The following BICD1 variants were observed in gnomAD, a reference collection of about 807,000 sequenced individuals.
The protein encoded by BICD1 is protein bicaudal D homolog 1.
BICD1 carries 35 observed loss-of-function variants against 92.5 expected under a neutral mutation model. The observed-to-expected ratio is 0.38, with a 90% CI of 0.29 to 0.50. BICD1 has a LOEUF of 0.50. BICD1 is among the 20% of genes least tolerant of loss of function. The probability of loss-of-function intolerance (pLI) is 0.93; values close to 1 mark genes in which losing one functional copy is unlikely to be tolerated. For synonymous variants in BICD1, 429 were observed against 465.1 expected (o/e 0.92, Z 1.00); for missense variants, 950 against 1,189.8 (o/e 0.80, Z 2.97).
chr12:32,125,828 G>A (rs1419637664), intron 1 of BICD1, among the ~76,000 whole-genome samples: 2 of 151,402 alleles, frequency 1.3e-5, no homozygotes, highest in South Asian at 2.1e-4. Context: ...GATCACTTGA[G>A]CTCAGGAGTT....
At chr12:32,308,856 G>A (rs1160134590) in intron 4 of BICD1, among the ~76,000 whole-genome samples, 3 of 152,186 alleles carry the variant, frequency 2.0e-5, no homozygotes, top group Admixed American at 6.5e-5. Context: ...GAGGGGCGCA[G>A]GTAGGTCCTT....
chr12:32,297,373 T>C (rs1295888137), intron 3 of BICD1, among the ~76,000 whole-genome samples: 13 of 152,130 alleles, frequency 8.5e-5, no homozygotes, highest in Admixed American at 8.5e-4. Context: ...ATTTTTGTAT[T>C]TTTAGTTGAG....
intron 1 of BICD1, among the ~76,000 whole-genome samples, chr12:32,141,244 A>G (rs1942910864): frequency 6.6e-6 from 1 of 152,190 alleles, no homozygotes; most frequent in Non-Finnish European, 1.5e-5. Flanking sequence ...GTCTTATTAG[A>G]TATCAACTTA....
chr12:32,208,889 A>G (rs1157174780), intron 1 of BICD1, among the ~76,000 whole-genome samples: 2 of 151,790 alleles, frequency 1.3e-5, no homozygotes, highest in Admixed American at 6.6e-5. Flanking sequence ...CAGTGGTGCA[A>G]TCTCAGCTCA....
intron 1 of BICD1, among the ~76,000 whole-genome samples, chr12:32,135,114 A>G (rs1215705024): frequency 2.4e-4 from 22 of 91,154 alleles, no homozygotes; most frequent in African/African-American, 1.0e-3. Context: ...TATGAGACGG[A>G]GTCTCACTGT....
chr12:32,118,715 A>ACCC (rs968507335), intron 1 of BICD1, among the ~76,000 whole-genome samples: 3 of 152,004 alleles, frequency 2.0e-5, no homozygotes, highest in African/African-American at 4.8e-5. Flanking sequence ...GGGTCCTGGA[A>ACCC]CCCCCACACC....
chr12:32,292,610 A>G lies in BICD1; in HGVS notation c.427-1384A>G, dbSNP rs117613085. ...CATCTGTGTTGCAATAGCAGTTTCT[A>G]TTCATTGTCAGTCCTACCTACCACT... On this transcript the variant is annotated intron_variant, in intron 2 of 9. Transcript: ENST00000652176. Among the ~76,000 whole-genome samples, 96 of 152,314 alleles carry G rather than the reference A, an allele frequency of 6.3e-4. No individual in the cohort carries two copies. In the East Asian group the frequency reaches 0.018, roughly 28 times the overall value.
At chr12:32,267,904 A>G (rs1262872822) in intron 2 of BICD1, among the ~76,000 whole-genome samples, 3 of 152,212 alleles carry the variant, frequency 2.0e-5, no homozygotes, top group Admixed American at 2.0e-4. Context: ...CCTGGGCTCA[A>G]GTGATCCGCC....
chr12:32,240,295 G>C (rs1370853885), intron 2 of BICD1, among the ~76,000 whole-genome samples: 1 of 152,170 alleles, frequency 6.6e-6, no homozygotes, highest in Non-Finnish European at 1.5e-5. Context: ...TTCCCTTGTA[G>C]TTCTAGAGGC....
At chr12:32,190,280 A>G (rs1565576075) in intron 1 of BICD1, among the ~76,000 whole-genome samples, 1 of 152,240 alleles carries the variant, frequency 6.6e-6, no homozygotes, top group Non-Finnish European at 1.5e-5. Context: ...TGAATTCCCC[A>G]ACCAAAGATA....
intron 4 of BICD1, among the ~76,000 whole-genome samples, chr12:32,327,215 A>G (rs899110474): frequency 1.3e-5 from 2 of 152,232 alleles, no homozygotes; most frequent in Non-Finnish European, 1.5e-5. Flanking sequence ...TTTCGTCAGT[A>G]TATGTGTATG....
intron 2 of BICD1, among the ~76,000 whole-genome samples, chr12:32,293,376 G>T (rs1013517682): frequency 2.0e-5 from 3 of 152,022 alleles, no homozygotes; most frequent in Admixed American, 2.0e-4. Context: ...GGAGTGAAGT[G>T]GCCTGATCTC....
intron 2 of BICD1, among the ~76,000 whole-genome samples, chr12:32,222,666 T>C (rs555632460): frequency 1.3e-5 from 2 of 152,340 alleles, no homozygotes; most frequent in Admixed American, 1.3e-4. Context: ...GTGCCCCTTT[T>C]AAATTCATGC....
chr12:32,263,502 C>T (rs1946910825), intron 2 of BICD1, among the ~76,000 whole-genome samples: 1 of 144,704 alleles, frequency 6.9e-6, no homozygotes, highest in Admixed American at 6.9e-5. Flanking sequence ...GCCAAGATCA[C>T]GCCACTGCAC....
chr12:32,343,273 G>A (rs1565685262), intron 8 of BICD1, among the ~76,000 whole-genome samples: 1 of 152,098 alleles, frequency 6.6e-6, no homozygotes, highest in Non-Finnish European at 1.5e-5. Flanking sequence ...TTTTTAGCCA[G>A]CATTTTATCT....
chr12:32,142,360 C>T (rs540532036), intron 1 of BICD1, among the ~76,000 whole-genome samples: 9 of 127,828 alleles, frequency 7.0e-5, no homozygotes, highest in South Asian at 2.8e-4. Context: ...GAGCTGAGAT[C>T]GTGTCACCAC....
rs1456203382 is a variant in BICD1 at position 32,380,262 on chromosome 12, A to G, written c.*2635A>G. On this transcript the variant is annotated 3_prime_UTR_variant, in exon 10 of 10. Coordinates refer to ENST00000652176, the MANE Select transcript of BICD1 (RefSeq NM_001714.4). ...TTATAGGCATTTAAAGTGAATCAGT[A>G]TGTGTAGTGTTGATAAAAATCAGTA... 1 of 152,184 alleles carries G rather than the reference A, an allele frequency of 6.6e-6. No individual in the cohort carries two copies. Among genetic ancestry groups the G allele is most frequent in the Non-Finnish European group, 1.5e-5 (1 of 68,022 alleles). The allele number at this position is 152,184 out of a possible 1,614,324, so 9.4% of individuals were successfully genotyped here.
intron 1 of BICD1, among the ~76,000 whole-genome samples, chr12:32,191,536 C>T (rs939179194): frequency 4.7e-5 from 7 of 147,440 alleles, no homozygotes; most frequent in Non-Finnish European, 1.5e-5. Context: ...TGGTAATTCA[C>T]ACAATATATC....
At chr12:32,284,788 G>A (rs759155240) in intron 2 of BICD1, among the ~76,000 whole-genome samples, 3 of 152,100 alleles carry the variant, frequency 2.0e-5, no homozygotes, top group Non-Finnish European at 2.9e-5. Context: ...ACACTAAACC[G>A]CACCGTTCCC....
Sources: gnomAD v4.1 joint callset for allele counts (sites outside exome capture counted in the v4.1 genomes callset) on GRCh38, gnomAD v4.1.1 for gene constraint, MANE v1.5 for transcripts, NCBI Gene and HGNC (gene_info 2026-07-23, HGNC 2026-07-21) for gene names.